PDIA2: variants seen among roughly 807,000 people sequenced by gnomAD.
The protein encoded by PDIA2 is protein disulfide-isomerase A2.
Under a neutral mutation model 51.1 loss-of-function variants are expected in PDIA2, and 76 were observed. The ratio of observed to expected loss-of-function variants is 1.49; its 90% CI spans 1.24 to 1.80. The LOEUF is 1.80. Ranked by LOEUF, PDIA2 falls within the 40% of genes most tolerant of loss-of-function variation. PDIA2 has a pLI of 0.00. For missense variants in PDIA2, 946 were observed against 706.5 expected (o/e 1.34, Z -3.84); for synonymous variants, 429 against 309.9 (o/e 1.38, Z -4.04).
In PDIA2 at chr16:286,743, G is replaced by T. The variant is rs747520476; in HGVS notation, c.1422+8G>T. On this transcript the variant is annotated splice_region_variant and intron_variant, in intron 9 of 10. Transcript: ENST00000219406. ...GCAGGGCCAGGTCGGAAGGTATGGC[G>T]GACAGGTGGCTGGGGAGGAAGCCGG... 6.2e-7 allele frequency: 1 copy of T among 1,612,792 alleles called. No individual in the cohort carries two copies. Among genetic ancestry groups the T allele is most frequent in the Admixed American group, 1.7e-5 (1 of 60,012 alleles).
rs746980351 is a variant in PDIA2 at position 284,944 on chromosome 16, G to A, written c.607G>A (p.Gly203Ser). 3.1e-6 allele frequency: 5 copies of A among 1,613,356 alleles called. No individual in the cohort carries two copies. The South Asian group carries it at 4.4e-5, about 14-fold the overall frequency. ...CCAGGACGCCCTGGACATGACCTTT[G>A]GCCTCACAGACCGGCCGCGGCTCTT... ...LAQDALDMTFGLTDRPRLFQQ... is the reference protein window; with the variant it reads ...LAQDALDMTFSLTDRPRLFQQ... Residue 203 changes from glycine to serine, a missense_variant, in exon 4 of 11, where the codon GGC becomes AGC. Physicochemically the swap from Gly to Ser is moderately conservative, Grantham distance 56 (BLOSUM62 0). Coordinates refer to ENST00000219406, the MANE Select transcript of PDIA2 (RefSeq NM_006849.4).
In PDIA2 at chr16:285,266, C is replaced by G. The variant is rs764874276; in HGVS notation, c.796-46C>G. On this transcript the variant is annotated intron_variant, in intron 5 of 10. Transcript: ENST00000219406. ...TAGAGTCGTCCAGGGATGGGGGTGC[C>G]TAGGCTGGGGGTCCTGTGGAGTCAT... The G allele has an allele frequency of 1.2e-5, 19 of 1,611,910 alleles. 1 individual carries two copies. In the South Asian group the frequency reaches 1.6e-4, roughly 14 times the overall value.
chr16:284,848 C>T (rs370459626), intron 3 of PDIA2, 30 bp from the exon 4 acceptor site: 267 of 1,608,520 alleles, frequency 1.7e-4, no homozygotes, highest in African/African-American at 1.1e-3. Flanking sequence ...TGGGTGGGAC[C>T]GGGTGGCCTC....
At position 287,032 on chromosome 16, in the gene PDIA2, G is replaced by C. The variant is rs1224359156; in HGVS notation, c.1534-37G>C. On this transcript the variant is annotated intron_variant, in intron 10 of 10. Coordinates refer to ENST00000219406, the MANE Select transcript of PDIA2 (RefSeq NM_006849.4). ...AGGGGCGGGGGCAGGGGTAGGCTGG[G>C]AGCAGAGCTTCGAGCTGCACTTGTG... The C allele has an allele frequency of 1.9e-6, 3 of 1,612,596 alleles. No homozygotes were observed. The African/African-American group carries it at 4.0e-5, about 22-fold the overall frequency.
At position 284,613 on chromosome 16, in the gene PDIA2, T is replaced by C. The variant is rs534146958; in HGVS notation, c.406+20T>C. 1.2e-4 allele frequency: 197 copies of C among 1,577,696 alleles called. 1 individual carries two copies. Among genetic ancestry groups the C allele is most frequent in the South Asian group, 6.6e-4 (60 of 90,366 alleles). On this transcript the variant is annotated intron_variant, in intron 2 of 10. Coordinates refer to ENST00000219406, the MANE Select transcript of PDIA2 (RefSeq NM_006849.4). ...ACACAGGTGAGGGGCAGGCCGGTCA[T>C]TGGGGGGGCGGTGGCCAGGCCGAGG...
chr16:286,766 C>CG, intron 9 of PDIA2, 31 bp downstream of exon 9: 1 of 1,612,528 alleles, frequency 6.2e-7, no homozygotes, highest in Non-Finnish European at 8.5e-7. Flanking sequence ...GGGAGGAAGC[C>CG]GGGGTGCCAT....
rs367938749 is a variant in PDIA2 at position 284,569 on chromosome 16, C to G, written c.382C>G (p.Arg128Gly). Residue 128 changes from arginine to glycine, a missense_variant, in exon 2 of 11, where the codon CGC (arginine) becomes GGC (glycine). Physicochemically the swap from Arg to Gly is moderately radical, Grantham distance 125. Coordinates refer to ENST00000219406, the MANE Select transcript of PDIA2 (RefSeq NM_006849.4). ...GCTCAAGTTCTTCCGCAATGGGAACCGCACGCACCCGGAGGAGTACACAGG... is the reference window on the plus strand; with the variant it reads ...GCTCAAGTTCTTCCGCAATGGGAACGGCACGCACCCGGAGGAGTACACAGG... ...PTLKFFRNGN[R>G]THPEEYTGPR... The G allele has an allele frequency of 1.2e-6, 2 of 1,612,410 alleles. No homozygotes were observed. The highest frequency in any genetic ancestry group is 1.7e-6 in the Non-Finnish European group (2 of 1,179,728).
rs1596943510 is a variant in PDIA2 at position 285,487 on chromosome 16, C to T, written c.922-19C>T. ...GCAGCGGGAGAGTGGCCGGTGCCAGCATGGACTCCCTGCCACAGGTGCTGT... is the reference window on the plus strand; with the variant it reads ...GCAGCGGGAGAGTGGCCGGTGCCAGTATGGACTCCCTGCCACAGGTGCTGT... On this transcript the variant is annotated intron_variant, in intron 6 of 10. Coordinates refer to ENST00000219406, the MANE Select transcript of PDIA2 (RefSeq NM_006849.4). 2 of 1,612,292 alleles carry T rather than the reference C, an allele frequency of 1.2e-6. No homozygotes were observed. The highest frequency in any genetic ancestry group is 8.5e-7 in the Non-Finnish European group (1 of 1,179,862).
In PDIA2 at chr16:287,107, A is replaced by G. The variant is rs1006683948; in HGVS notation, c.1572A>G (p.Glu524=). The G allele has an allele frequency of 2.6e-5, 42 of 1,612,552 alleles. No individual in the cohort carries two copies. Among genetic ancestry groups the G allele is most frequent in the Non-Finnish European group, 3.2e-5 (38 of 1,179,874 alleles). Residue 524 remains glutamate, a synonymous_variant, in exon 11 of 11, where the codon GAA becomes GAG. Coordinates refer to ENST00000219406, the MANE Select transcript of PDIA2 (RefSeq NM_006849.4). ...PANSTMGSKE[E]L The stretch of plus-strand genomic sequence containing the variant: ...ACTCCACTATGGGGTCCAAGGAGGA[A>G]CTGTAGCTGCCCCCGTGTCACCCCC...
intron 1 of PDIA2, 30 bp from the exon 2 acceptor site, chr16:284,341 TCCTGGGGTTGTGGTGG>T: frequency 6.6e-7 from 1 of 1,508,126 alleles, no homozygotes; most frequent in South Asian, 1.2e-5. Flanking sequence ...GAGAGGGTGC[TCCTGGGGTTGTGGTGG>T]CCTGGGGCAC....
intron 10 of PDIA2, 34 bp from the exon 11 acceptor site, chr16:287,035 C>G (rs747022118): frequency 6.1e-5 from 98 of 1,612,516 alleles, no homozygotes; most frequent in Middle Eastern, 3.3e-4. Flanking sequence ...AGGCTGGGAG[C>G]AGAGCTTCGA....
In PDIA2 at chr16:285,320, C is replaced by T. The variant is rs760905057; in HGVS notation, c.804C>T (p.Ala268=). ...CACCCTCCCTACTGTAGACGTCTGC[C>T]AAGATCTTCGCGGCCAGGATCCTCA... ...LVTEFNSQTS[A]KIFAARILNH... Residue 268 remains alanine (A), a synonymous_variant, in exon 6 of 11, where the codon GCC becomes GCT. Transcript: ENST00000219406. The T allele has an allele frequency of 1.2e-6, 2 of 1,612,860 alleles. No homozygotes were observed. The highest frequency in any genetic ancestry group is 1.1e-5 in the South Asian group (1 of 91,064).
Position 283,174 on chromosome 16 carries a change from G to GC in PDIA2, c.7dup (p.Arg3ProfsTer108), listed in dbSNP as rs1356454608. On this transcript the variant is annotated frameshift_variant, in exon 1 of 11. Transcript: ENST00000219406. LOFTEE classifies it high-confidence loss of function. ...CCCACGCGCCCTGGCAGCACCATGA[G>GC]CCGCCAGCTTCTGCCTGTACTGCTG... The GC allele has an allele frequency of 6.5e-7, 1 of 1,528,600 alleles. No homozygotes were observed. The highest frequency in any genetic ancestry group is 8.8e-7 in the Non-Finnish European group (1 of 1,139,990). 94.7% of individuals were successfully genotyped at this position (1,528,600 alleles called of 1,614,324 possible).
Position 285,034 on chromosome 16 carries a change from T to A in PDIA2, c.678+19T>A. The stretch of plus-strand genomic sequence containing the variant: ...CAAGAAGGTAGGTCAGGCCCAGGTG[T>A]GGGTTGGGGTCCGGCTGCAGCGCCC... On this transcript the variant is annotated intron_variant, in intron 4 of 10. Transcript: ENST00000219406. The A allele has an allele frequency of 6.2e-7, 1 of 1,613,106 alleles. No homozygotes were observed. Among genetic ancestry groups the A allele is most frequent in the South Asian group, 1.1e-5 (1 of 91,080 alleles).
At chr16:286,097 A>G (rs1488162781) in intron 7 of PDIA2, among the ~76,000 whole-genome samples, 2 of 20,318 alleles carry the variant, frequency 9.8e-5, no homozygotes, top group East Asian at 2.4e-3. Flanking sequence ...CAAACCCCAC[A>G]GTTCTCCCTC....
In PDIA2 at chr16:285,149, G is replaced by T. The variant is rs200289772; in HGVS notation, c.744G>T (p.Ser248=). The T allele has an allele frequency of 1.2e-6, 2 of 1,613,064 alleles. No individual in the cohort carries two copies. Among genetic ancestry groups the T allele is most frequent in the Non-Finnish European group, 1.7e-6 (2 of 1,179,972 alleles). The change falls in exon 5 of 11, where the codon TCG becomes TCT. Residue 248 remains serine, a synonymous_variant. Coordinates refer to ENST00000219406, the MANE Select transcript of PDIA2 (RefSeq NM_006849.4). ...TTGGCCTGGACCTGGGGGATCTGTCGCGCTTCCTGGTCACACACAGCATGC... is the reference window on the plus strand; with the variant it reads ...TTGGCCTGGACCTGGGGGATCTGTCTCGCTTCCTGGTCACACACAGCATGC... ...EELGLDLGDL[S]RFLVTHSMRL...
intron 1 of PDIA2, among the ~76,000 whole-genome samples, 197 bp downstream of exon 1, chr16:283,565 T>C (rs2052314069): frequency 6.6e-6 from 1 of 152,206 alleles, no homozygotes; most frequent in Non-Finnish European, 1.5e-5. Flanking sequence ...AGTGTGGTAG[T>C]ACTGGGGGTA....
At chr16:285,801 TGCAGGCCCC>T (rs1158154985) in intron 7 of PDIA2, 98 bp downstream of exon 7, 2 of 1,356,112 alleles carry the variant, frequency 1.5e-6, no homozygotes, top group Non-Finnish European at 2.0e-6. Flanking sequence ...CCCCTGCCCC[TGCAGGCCCC>T]GCAGAGGCCC....
chr16:285,681 C>A lies in PDIA2; in HGVS notation c.1097C>A (p.Ala366Glu). Residue 366 changes from alanine to glutamate, a missense_variant, in exon 7 of 11, where the codon GCA (alanine) becomes GAA (glutamate). Transcript: ENST00000219406. ...TAASITAFCH[A>E]VLNGQVKPYL... ...GCGTCCATCACTGCTTTCTGCCATG[C>A]AGTCCTCAACGGCCAAGTCAAGGTC... 1 of 1,613,082 alleles carries A rather than the reference C, an allele frequency of 6.2e-7. No homozygotes were observed. The highest frequency in any genetic ancestry group is 8.5e-7 in the Non-Finnish European group (1 of 1,179,922).
Sources: gnomAD v4.1 joint callset for allele counts (sites outside exome capture counted in the v4.1 genomes callset) on GRCh38, gnomAD v4.1.1 for gene constraint, MANE v1.5 for transcripts, NCBI Gene and HGNC (gene_info 2026-07-23, HGNC 2026-07-21) for gene names.